The following DHRS7B variants were observed in gnomAD, a reference collection of about 807,000 sequenced individuals.
DHRS7B encodes dehydrogenase/reductase 7B.
DHRS7B carries 24 observed loss-of-function variants against 26.4 expected under a neutral mutation model. The observed-to-expected ratio is 0.91, with a 90% CI of 0.66 to 1.28. The LOEUF (loss-of-function observed/expected upper bound fraction) is 1.28. Among genes scored for constraint, DHRS7B ranks in the 50% most tolerant of loss-of-function variants. The pLI is 0.00. For synonymous variants in DHRS7B, 142 were observed against 166.4 expected, an observed-to-expected ratio of 0.85 and a Z score of 1.13; for missense variants, 368 against 419.4, an observed-to-expected ratio of 0.88 and a Z score of 1.07.
At position 21,188,675 on chromosome 17, in the gene DHRS7B, G is replaced by A. The variant is rs949378115; in HGVS notation, c.620-36G>A. The A allele has an allele frequency of 1.5e-5, 23 of 1,544,348 alleles. No individual in the cohort carries two copies. In the African/African-American group the frequency reaches 1.8e-4, roughly 12 times the overall value. On this transcript the variant is annotated intron_variant, in intron 5 of 6. Coordinates refer to ENST00000395511, the MANE Select transcript of DHRS7B (RefSeq NM_015510.5). Reference sequence around the variant, plus strand: ...GGCACCAGGCCATGCCCACCCCAGCGCACTCAGTCACCTGCCTCTCCGTCC... The same window carrying A: ...GGCACCAGGCCATGCCCACCCCAGCACACTCAGTCACCTGCCTCTCCGTCC...
intron 1 of DHRS7B, among the ~76,000 whole-genome samples, chr17:21,167,960 A>G (rs1468329398): frequency 6.6e-6 from 1 of 152,230 alleles, no homozygotes; most frequent in African/African-American, 2.4e-5. Flanking sequence ...CCTAATCTGG[A>G]AATGTGGCCA....
intron 1 of DHRS7B, among the ~76,000 whole-genome samples, chr17:21,133,106 T>G (rs953828863): frequency 2.6e-5 from 4 of 152,228 alleles, no homozygotes; most frequent in African/African-American, 9.6e-5. Flanking sequence ...GAATGTGTAT[T>G]TCAGTGTCTG....
intron 1 of DHRS7B, among the ~76,000 whole-genome samples, chr17:21,154,726 T>G (rs1973842903): frequency 6.6e-6 from 1 of 152,232 alleles, no homozygotes; most frequent in South Asian, 2.1e-4. Flanking sequence ...TTATGTATGC[T>G]TTTATATACC....
chr17:21,164,077 G>A (rs533080734), intron 1 of DHRS7B, among the ~76,000 whole-genome samples: 1 of 129,382 alleles, frequency 7.7e-6, no homozygotes, highest in African/African-American at 3.1e-5. Context: ...CTCCTAGGCT[G>A]GAGTGCAGTG....
Position 21,183,593 on chromosome 17 carries a change from G to C in DHRS7B, c.310-1G>C. On this transcript the variant is annotated splice_acceptor_variant, in intron 3 of 6. Coordinates refer to ENST00000395511, the MANE Select transcript of DHRS7B (RefSeq NM_015510.5). LOFTEE classifies it high-confidence loss of function. Reference sequence around the variant, plus strand: ...AATTTGTATCTGTTGTATTTGACCAGGTGCAGACACACAAGCCTTACTTGG... The same window carrying C: ...AATTTGTATCTGTTGTATTTGACCACGTGCAGACACACAAGCCTTACTTGG... The C allele has an allele frequency of 6.2e-7, 1 of 1,612,576 alleles. No homozygotes were observed. Among genetic ancestry groups the C allele is most frequent in the South Asian group, 1.1e-5 (1 of 90,978 alleles).
At chr17:21,165,616 G>A (rs1235341138) in intron 1 of DHRS7B, among the ~76,000 whole-genome samples, 6 of 152,070 alleles carry the variant, frequency 3.9e-5, no homozygotes, top group African/African-American at 7.2e-5. Flanking sequence ...AGTCAACTGC[G>A]CCTGATCTAA....
At chr17:21,167,028 C>T (rs1208566319) in intron 1 of DHRS7B, among the ~76,000 whole-genome samples, 1 of 151,604 alleles carries the variant, frequency 6.6e-6, no homozygotes, top group African/African-American at 2.4e-5. Flanking sequence ...AAAAAATGCT[C>T]GAGAGAAAGG....
intron 5 of DHRS7B, among the ~76,000 whole-genome samples, chr17:21,187,108 T>C (rs1229613298): frequency 6.7e-6 from 1 of 148,166 alleles, no homozygotes; most frequent in Non-Finnish European, 1.5e-5. Context: ...TATATATATA[T>C]ATATAAAATA....
intron 1 of DHRS7B, among the ~76,000 whole-genome samples, chr17:21,129,622 T>C (rs1248680223): frequency 6.7e-6 from 1 of 148,592 alleles, no homozygotes; most frequent in Non-Finnish European, 1.5e-5. Flanking sequence ...GGAGGATCAC[T>C]TGAGCCCAGG....
chr17:21,152,034 GCTT>G (rs1395041726), intron 1 of DHRS7B, among the ~76,000 whole-genome samples: 7 of 152,318 alleles, frequency 4.6e-5, no homozygotes, highest in African/African-American at 1.4e-4. Flanking sequence ...ATGATTGTAA[GCTT>G]CTTGAGGCCT....
chr17:21,142,558 G>A (rs575081990), intron 1 of DHRS7B, among the ~76,000 whole-genome samples: 168 of 152,270 alleles, frequency 1.1e-3, no homozygotes, highest in Non-Finnish European at 1.8e-3. Context: ...AGGTGGTTGG[G>A]GAACAGCTTA....
intron 1 of DHRS7B, among the ~76,000 whole-genome samples, chr17:21,141,619 CA>C (rs71357469): frequency 3.5e-4 from 5 of 14,384 alleles, no homozygotes; most frequent in African/African-American, 5.6e-4. Flanking sequence ...AGCAAGAAAG[CA>C]AAAAAAAAAA....
At chr17:21,186,732 A>G (rs1974642892) in intron 5 of DHRS7B, among the ~76,000 whole-genome samples, 1 of 152,234 alleles carries the variant, frequency 6.6e-6, no homozygotes, top group East Asian at 1.9e-4. Flanking sequence ...GAATGTCATT[A>G]TAGGGTCACT....
At chr17:21,142,074 A>AG (rs1973527948) in intron 1 of DHRS7B, among the ~76,000 whole-genome samples, 1 of 152,124 alleles carries the variant, frequency 6.6e-6, no homozygotes, top group Non-Finnish European at 1.5e-5. Context: ...TAGTGAAGGG[A>AG]GTGGCTTTCA....
At chr17:21,157,959 T>A (rs542548500) in intron 1 of DHRS7B, among the ~76,000 whole-genome samples, 12 of 151,526 alleles carry the variant, frequency 7.9e-5, no homozygotes, top group East Asian at 3.9e-4. Context: ...AAAAAAATAA[T>A]AATAATCCAT....
intron 2 of DHRS7B, 55 bp downstream of exon 2, chr17:21,172,251 G>A: frequency 6.4e-7 from 1 of 1,559,004 alleles, no homozygotes; most frequent in Non-Finnish European, 8.7e-7. Context: ...CCAGGGATGA[G>A]GAGCGGCCCA....
intron 1 of DHRS7B, among the ~76,000 whole-genome samples, chr17:21,159,931 A>C (rs1597743394): frequency 6.6e-6 from 1 of 151,540 alleles, no homozygotes. Flanking sequence ...CTCATCAATG[A>C]AAAATAGGGC....
intron 1 of DHRS7B, among the ~76,000 whole-genome samples, chr17:21,138,365 A>T (rs1277151524): frequency 6.6e-6 from 1 of 151,210 alleles, no homozygotes. Context: ...CTGGGACTGC[A>T]GGCTGCCACC....
intron 1 of DHRS7B, among the ~76,000 whole-genome samples, chr17:21,134,710 A>C (rs1973305866): frequency 6.6e-6 from 1 of 152,232 alleles, no homozygotes; most frequent in Admixed American, 6.5e-5. Flanking sequence ...GAATACTCAT[A>C]AATAGTTTCC....
Sources: gnomAD v4.1 joint callset for allele counts (sites outside exome capture counted in the v4.1 genomes callset) on GRCh38, gnomAD v4.1.1 for gene constraint, MANE v1.5 for transcripts, NCBI Gene and HGNC (gene_info 2026-07-23, HGNC 2026-07-21) for gene names.